The following RSU1 variants were observed in gnomAD, a reference collection of about 807,000 sequenced individuals.
RSU1 encodes the protein Ras suppressor protein 1, also known as rsu-1.
RSU1 carries 26 observed loss-of-function variants against 31.1 expected under a neutral mutation model. The ratio of observed to expected loss-of-function variants is 0.84; its 90% CI spans 0.61 to 1.16. The LOEUF (loss-of-function observed/expected upper bound fraction) is 1.16, where lower values mean the gene tolerates loss of function less well. Ranked by LOEUF, RSU1 falls within the 50% of genes most tolerant of loss-of-function variation. The pLI is 0.00. For synonymous variants in RSU1, 164 were observed against 136.3 expected, an observed-to-expected ratio of 1.20 and a Z score of -1.41; for missense variants, 320 against 339.1, an observed-to-expected ratio of 0.94 and a Z score of 0.44.
chr10:16,657,880 C>T (rs1834816979), intron 8 of RSU1, among the ~76,000 whole-genome samples: 1 of 152,116 alleles, frequency 6.6e-6, no homozygotes. Flanking sequence ...ATCCCAGCTA[C>T]TCGGGAGGCT....
intron 8 of RSU1, among the ~76,000 whole-genome samples, chr10:16,690,312 C>T (rs1393047957): frequency 2.0e-5 from 3 of 152,178 alleles, no homozygotes; most frequent in Non-Finnish European, 2.9e-5. Context: ...AGGATGTAAG[C>T]TTCAACGACC....
At chr10:16,593,673 A>G (rs1833553354) in intron 8 of RSU1, among the ~76,000 whole-genome samples, 177 bp from the exon 9 acceptor site, 1 of 152,212 alleles carries the variant, frequency 6.6e-6, no homozygotes, top group African/African-American at 2.4e-5. Context: ...AAATTCTCTT[A>G]CACATGCACG....
In RSU1 at chr10:16,594,647, TGATA is replaced by T. The variant is rs1387257656; in HGVS notation, c.732-1155_732-1152del. Among the ~76,000 whole-genome samples the T allele has an allele frequency of 2.1e-5, 3 of 145,212 alleles. No homozygotes were observed. In the East Asian group the frequency reaches 5.8e-4, roughly 28 times the overall value. On this transcript the variant is annotated intron_variant, in intron 8 of 8. Transcript: ENST00000345264. Reference sequence around the variant, plus strand: ...TATATGATAGATAATATGATATATATGATATATATCATATATTATCTATATCATA... The same window carrying T: ...TATATGATAGATAATATGATATATATTATATCATATATTATCTATATCATA...
intron 8 of RSU1, among the ~76,000 whole-genome samples, chr10:16,647,981 C>G (rs1164186705): frequency 6.6e-6 from 1 of 151,966 alleles, no homozygotes; most frequent in Non-Finnish European, 1.5e-5. Flanking sequence ...CAAGGTTTTG[C>G]TCTGTCACCC....
intron 7 of RSU1, among the ~76,000 whole-genome samples, chr10:16,745,314 G>C (rs1183096622): frequency 1.3e-5 from 2 of 152,164 alleles, no homozygotes; most frequent in East Asian, 3.8e-4. Flanking sequence ...GACACCAGGA[G>C]GTGGGAGCTG....
intron 8 of RSU1, among the ~76,000 whole-genome samples, chr10:16,652,423 TG>T (rs1329631395): frequency 2.1e-5 from 3 of 141,704 alleles, no homozygotes; most frequent in Non-Finnish European, 4.5e-5. Flanking sequence ...CCCGAGAATC[TG>T]GAGAAATGAG....
At chr10:16,764,648 A>G (rs1837277056) in intron 3 of RSU1, 138 bp from the exon 4 acceptor site, 1 of 899,712 alleles carries the variant, frequency 1.1e-6, no homozygotes, top group Non-Finnish European at 1.6e-6. Flanking sequence ...TACCGGTCTT[A>G]TTTATTTTTT....
At chr10:16,811,434 A>G (rs1838406715) in intron 2 of RSU1, among the ~76,000 whole-genome samples, 2 of 152,212 alleles carry the variant, frequency 1.3e-5, no homozygotes, top group South Asian at 2.1e-4. Context: ...CAATGACCCT[A>G]TGAGGTGCTC....
At chr10:16,761,305 A>C (rs956696364) in intron 4 of RSU1, among the ~76,000 whole-genome samples, 1 of 152,170 alleles carries the variant, frequency 6.6e-6, no homozygotes, top group East Asian at 1.9e-4. Flanking sequence ...TCATTATTAT[A>C]AACATTTATT....
chr10:16,654,704 T>G (rs2131519310), intron 8 of RSU1, among the ~76,000 whole-genome samples: 1 of 150,908 alleles, frequency 6.6e-6, no homozygotes, highest in South Asian at 2.1e-4. Context: ...AAGGAAATGA[T>G]TTAGTGTGAA....
intron 8 of RSU1, among the ~76,000 whole-genome samples, chr10:16,605,024 G>A (rs113589771): frequency 0.013 from 1,927 of 152,314 alleles, 39 homozygotes; most frequent in African/African-American, 0.042. Flanking sequence ...GCAGGAGTGA[G>A]GGACGGAGAG....
intron 3 of RSU1, among the ~76,000 whole-genome samples, chr10:16,768,581 A>G (rs1837365499): frequency 6.6e-6 from 1 of 152,176 alleles, no homozygotes; most frequent in Non-Finnish European, 1.5e-5. Context: ...CTCATCCCAG[A>G]GCCTCTGCTG....
rs1040005698 is a variant in RSU1, at chr10:16,789,583, G to A, written c.110-7499C>T. Among the ~76,000 whole-genome samples, 12 of 152,262 alleles carry A rather than the reference G, an allele frequency of 7.9e-5. No individual in the cohort carries two copies. The South Asian group carries it at 2.3e-3, about 29-fold the overall frequency. On this transcript the variant is annotated intron_variant, in intron 2 of 8. Transcript: ENST00000345264. ...GGAAACTGAGCTGTTAGAAAAGAAG[G>A]GAGAAAAGGTCTACCGAAATAGAAT...
chr10:16,760,546 C>T (rs1837191076), intron 4 of RSU1, among the ~76,000 whole-genome samples: 1 of 151,202 alleles, frequency 6.6e-6, no homozygotes, highest in South Asian at 2.1e-4. Flanking sequence ...AAGTGTACGA[C>T]TCTGTCCTCT....
intron 7 of RSU1, among the ~76,000 whole-genome samples, chr10:16,743,575 A>G (rs189994198): frequency 1.3e-4 from 20 of 152,320 alleles, no homozygotes; most frequent in South Asian, 1.2e-3. Flanking sequence ...TATTCATGCG[A>G]AAGTGGCACA....
At chr10:16,681,921 T>A (rs563550826) in intron 8 of RSU1, among the ~76,000 whole-genome samples, 2 of 152,314 alleles carry the variant, frequency 1.3e-5, no homozygotes, top group East Asian at 3.9e-4. Flanking sequence ...TTTCCCCTTC[T>A]TTTTTCCTTA....
intron 8 of RSU1, among the ~76,000 whole-genome samples, chr10:16,689,573 C>T (rs1340000553): frequency 6.6e-6 from 1 of 152,140 alleles, no homozygotes; most frequent in African/African-American, 2.4e-5. Context: ...AAAACAATAA[C>T]CAACAGCCAA....
chr10:16,775,423 G>A lies in RSU1; in HGVS notation c.160+6611C>T, dbSNP rs140577340. Among the ~76,000 whole-genome samples the A allele has an allele frequency of 2.7e-4, 41 of 152,182 alleles. 1 individual carries two copies. In the East Asian group the frequency reaches 6.8e-3, roughly 25 times the overall value. ...AAATATATTGTGGAGGAATTAGCAC[G>A]TTAGCTGGCTTCCGCTTAGCACAAA... is the stretch of plus-strand genomic sequence containing the variant. On this transcript the variant is annotated intron_variant, in intron 3 of 8. Coordinates refer to ENST00000345264, the MANE Select transcript of RSU1 (RefSeq NM_012425.4).
intron 7 of RSU1, among the ~76,000 whole-genome samples, chr10:16,705,868 C>T (rs984749592): frequency 1.3e-5 from 2 of 152,138 alleles, no homozygotes; most frequent in African/African-American, 4.8e-5. Flanking sequence ...TGGTGGACTT[C>T]TTGGCTCAAG....
Sources: allele counts gnomAD v4.1 joint callset (sites outside exome capture counted in the v4.1 genomes callset), GRCh38; gene constraint gnomAD v4.1.1; transcripts MANE v1.5; gene names NCBI Gene and HGNC (gene_info 2026-07-23, HGNC 2026-07-21).